The following FRMD5 variants were observed in gnomAD, a reference collection of about 807,000 sequenced individuals.
FRMD5 encodes FERM domain containing 5.
A neutral mutation model predicts 69.0 loss-of-function variants in FRMD5; 20 were observed. That is an observed-to-expected ratio of 0.29 (90% CI 0.20 to 0.42). The LOEUF is 0.42. Ranked by LOEUF, FRMD5 falls within the 10% of genes least tolerant of loss-of-function variation. FRMD5 has a pLI of 1.00. For synonymous variants in FRMD5, 271 were observed against 260.1 expected (o/e 1.04, Z -0.40); for missense variants, 595 against 708.6 (o/e 0.84, Z 1.82).
upstream of FRMD5, among the ~76,000 whole-genome samples, chr15:44,195,973 C>T (rs992183874): frequency 6.6e-6 from 1 of 152,174 alleles, no homozygotes; most frequent in East Asian, 1.9e-4. Flanking sequence ...GAATCTTCTC[C>T]TTGCACTTTT....
chr15:43,883,109 ATTCT>A (rs1228581983), intron 13 of FRMD5, among the ~76,000 whole-genome samples: 2 of 149,846 alleles, frequency 1.3e-5, no homozygotes, highest in Non-Finnish European at 3.0e-5. Context: ...TTTTTAAAAA[ATTCT>A]TTTTTTTTTT....
rs80174632 is a variant in FRMD5 at position 43,921,391 on chromosome 15, A to T, written c.208-1582T>A. 4.6e-3 allele frequency among the ~76,000 whole-genome samples: 701 copies of T among 152,350 alleles called. 10 individuals are homozygous for T. The highest frequency in any genetic ancestry group is 0.016 in the African/African-American group (668 of 41,588). ...TATCAGCAGAGGGCAGATAAAGCTG[A>T]ATGACAAAAGCCTATTCCCCTTGAC... On this transcript the variant is annotated intron_variant, in intron 2 of 13. Transcript: ENST00000417257.
At chr15:44,111,144 A>G (rs1164594303) in intron 1 of FRMD5, among the ~76,000 whole-genome samples, 1 of 152,206 alleles carries the variant, frequency 6.6e-6, no homozygotes, top group Non-Finnish European at 1.5e-5. Context: ...ATGTATACAT[A>G]TATATGTAAC....
chr15:44,005,525 A>G (rs1890403950), intron 1 of FRMD5, among the ~76,000 whole-genome samples: 1 of 152,002 alleles, frequency 6.6e-6, no homozygotes, highest in African/African-American at 2.4e-5. Context: ...TGGGTAATTT[A>G]CAAAGAAAAG....
intron 1 of FRMD5, among the ~76,000 whole-genome samples, chr15:44,132,735 A>AATGTATGTATGTATGT (rs556557718): frequency 3.4e-5 from 4 of 118,126 alleles, no homozygotes; most frequent in Admixed American, 1.0e-4. Context: ...GGACATCATG[A>AATGTATGTATGTATGT]ATGTATGTAT....
At position 43,963,080 on chromosome 15, in the gene FRMD5, T is replaced by G. The variant is rs976297689; in HGVS notation, c.103-38771A>C. Among the ~76,000 whole-genome samples, 6 of 152,246 alleles carry G rather than the reference T, an allele frequency of 3.9e-5. 1 individual carries two copies. In the South Asian group the frequency reaches 8.3e-4, roughly 21 times the overall value. ...TGGGATCTAATTAAACTAAAGAGCT[T>G]CTGCACAGCAAAAGAAACCACCATC... On this transcript the variant is annotated intron_variant, in intron 1 of 13. Coordinates refer to ENST00000417257, the MANE Select transcript of FRMD5 (RefSeq NM_032892.5).
At position 44,032,521 on chromosome 15, in the gene FRMD5, C is replaced by G. The variant is rs374451820; in HGVS notation, c.103-108212G>C. Among the ~76,000 whole-genome samples the G allele has an allele frequency of 5.3e-5, 8 of 152,116 alleles. No individual in the cohort carries two copies. In the East Asian group the frequency reaches 9.7e-4, roughly 18 times the overall value. ...AATTTACAAGAAAAAACAAACAACC[C>G]CATTAAAAAGTGGGCAAAGGACACA... On this transcript the variant is annotated intron_variant, in intron 1 of 13. Transcript: ENST00000417257.
chr15:44,008,565 C>T (rs1464453782), intron 1 of FRMD5, among the ~76,000 whole-genome samples: 4 of 152,026 alleles, frequency 2.6e-5, no homozygotes, highest in African/African-American at 4.8e-5. Context: ...CGCGCCCGGC[C>T]ACAGGCTTTT....
intron 1 of FRMD5, among the ~76,000 whole-genome samples, chr15:43,937,347 T>C (rs1882461377): frequency 6.6e-6 from 1 of 152,126 alleles, no homozygotes; most frequent in South Asian, 2.1e-4. Flanking sequence ...TGAAGGATGT[T>C]TATTAAGAAG....
rs2088204606 is a variant in FRMD5, at chr15:43,873,072, T to G, written c.*813A>C. 1.8e-6 allele frequency: 2 copies of G among 1,083,144 alleles called. No homozygotes were observed. The highest frequency in any genetic ancestry group is 2.7e-6 in the Non-Finnish European group (2 of 734,252). 67.1% of individuals were successfully genotyped at this position (1,083,144 alleles called of 1,614,324 possible). The stretch of plus-strand genomic sequence containing the variant: ...ACGCCCCTGGAGCACTATAAAAGTC[T>G]TGAGGTTCTTCGGAAAAAAAAAATC... On this transcript the variant is annotated 3_prime_UTR_variant, in exon 14 of 14. Coordinates refer to ENST00000417257, the MANE Select transcript of FRMD5 (RefSeq NM_032892.5).
chr15:43,967,548 A>T (rs1212651767), intron 1 of FRMD5, among the ~76,000 whole-genome samples: 1 of 152,112 alleles, frequency 6.6e-6, no homozygotes, highest in Non-Finnish European at 1.5e-5. Context: ...AGAAATATTA[A>T]TTCATTTATC....
intron 6 of FRMD5, among the ~76,000 whole-genome samples, chr15:43,902,469 T>A (rs1332066664): frequency 6.6e-6 from 1 of 152,108 alleles, no homozygotes; most frequent in South Asian, 2.1e-4. Flanking sequence ...GCAGGCTACA[T>A]AATGAATTAC....
intron 1 of FRMD5, chr15:43,990,196 G>C: frequency 2.0e-6 from 1 of 489,042 alleles, no homozygotes; most frequent in South Asian, 1.8e-5. Flanking sequence ...GTGAGCTGGC[G>C]GCGGGTGTGG....
intron 1 of FRMD5, among the ~76,000 whole-genome samples, chr15:43,925,384 T>C (rs1214709045): frequency 6.6e-6 from 1 of 152,216 alleles, no homozygotes; most frequent in Non-Finnish European, 1.5e-5. Flanking sequence ...AAAATACATT[T>C]TGTAACATAT....
intron 1 of FRMD5, among the ~76,000 whole-genome samples, chr15:43,990,799 T>C (rs1363239025): frequency 6.6e-6 from 1 of 152,188 alleles, no homozygotes; most frequent in African/African-American, 2.4e-5. Flanking sequence ...AGGAACTTGA[T>C]AGATTTTAGC....
intron 1 of FRMD5, among the ~76,000 whole-genome samples, chr15:44,026,847 G>T (rs768609609): frequency 6.6e-6 from 1 of 152,202 alleles, no homozygotes; most frequent in Non-Finnish European, 1.5e-5. Flanking sequence ...TGTGTGCACA[G>T]ATTAGCTAAA....
At chr15:44,003,444 C>G (rs1890301204) in intron 1 of FRMD5, among the ~76,000 whole-genome samples, 1 of 152,144 alleles carries the variant, frequency 6.6e-6, no homozygotes, top group African/African-American at 2.4e-5. Flanking sequence ...TGTTAAAACC[C>G]TGCGATGGTT....
intron 13 of FRMD5, among the ~76,000 whole-genome samples, chr15:43,878,909 GCATTT>G (rs895300596): frequency 6.6e-6 from 1 of 150,520 alleles, no homozygotes; most frequent in Non-Finnish European, 1.5e-5. Flanking sequence ...GGATAGATAG[GCATTT>G]CTTTTTTTTT....
intron 1 of FRMD5, among the ~76,000 whole-genome samples, chr15:44,116,030 T>C (rs770069262): frequency 7.2e-5 from 11 of 152,126 alleles, no homozygotes; most frequent in Non-Finnish European, 1.2e-4. Flanking sequence ...CAGGCCCTGT[T>C]CTGTCACCCC....
Sources: allele counts gnomAD v4.1 joint callset (sites outside exome capture counted in the v4.1 genomes callset), GRCh38; gene constraint gnomAD v4.1.1; transcripts MANE v1.5; gene names NCBI Gene and HGNC (gene_info 2026-07-23, HGNC 2026-07-21).